The following CLSTN2 variants were observed in gnomAD, a reference collection of about 807,000 sequenced individuals.
CLSTN2 encodes the protein calsyntenin 2, also known as calsyntenin-2.
In CLSTN2, 48 loss-of-function variants were observed where a neutral mutation model predicts 101.2. The observed-to-expected ratio is 0.47, with a 90% CI of 0.38 to 0.60. The LOEUF (loss-of-function observed/expected upper bound fraction) is 0.60, where lower values mean the gene tolerates loss of function less well. CLSTN2 is among the 20% of genes least tolerant of loss of function. CLSTN2 has a pLI of 0.00. For missense variants in CLSTN2, 1,160 were observed against 1,238.2 expected (o/e 0.94, Z 0.95); for synonymous variants, 481 against 463.6 (o/e 1.04, Z -0.48).
intron 10 of CLSTN2, among the ~76,000 whole-genome samples, chr3:140,550,980 A>C (rs956890150): frequency 4.6e-5 from 7 of 151,870 alleles, no homozygotes; most frequent in African/African-American, 1.5e-4. Context: ...TGGAGCACCC[A>C]CTGGGGGCTA....
chr3:140,032,352 T>TG (rs2007571311), intron 1 of CLSTN2, among the ~76,000 whole-genome samples: 1 of 149,862 alleles, frequency 6.7e-6, no homozygotes, highest in Non-Finnish European at 1.5e-5. Context: ...TTTTTTTTTT[T>TG]GAGACGGAGT....
At chr3:140,551,251 G>T (rs1935693568) in intron 10 of CLSTN2, among the ~76,000 whole-genome samples, 1 of 151,920 alleles carries the variant, frequency 6.6e-6, no homozygotes, top group Admixed American at 6.6e-5. Context: ...CACCTCTCTG[G>T]CTGGTCGAGA....
chr3:140,312,218 G>A (rs942321067), intron 2 of CLSTN2, among the ~76,000 whole-genome samples: 2 of 152,160 alleles, frequency 1.3e-5, no homozygotes, highest in African/African-American at 4.8e-5. Context: ...GAGATCCTAG[G>A]TGAGCTTTAC....
At chr3:140,323,161 G>A (rs953348844) in intron 2 of CLSTN2, among the ~76,000 whole-genome samples, 6 of 152,178 alleles carry the variant, frequency 3.9e-5, no homozygotes, top group Non-Finnish European at 7.3e-5. Context: ...GGCCTCCCCA[G>A]CAGTGGCTTC....
chr3:140,223,233 A>T (rs1277391491), intron 2 of CLSTN2, among the ~76,000 whole-genome samples: 1 of 152,240 alleles, frequency 6.6e-6, no homozygotes, highest in African/African-American at 2.4e-5. Context: ...TCACAGGAGA[A>T]ATCATCAACT....
chr3:140,228,911 T>C, intron 2 of CLSTN2, among the ~76,000 whole-genome samples: 1 of 152,174 alleles, frequency 6.6e-6, no homozygotes, highest in Admixed American at 6.5e-5. Flanking sequence ...GAAGTCAAGA[T>C]GAGATTTGGG....
At position 140,404,906 on chromosome 3, in the gene CLSTN2, G is replaced by A. The variant is rs181844087; in HGVS notation, c.637+140G>A. 254 of 719,376 alleles carry A rather than the reference G, an allele frequency of 3.5e-4. 5 individuals are homozygous for A. In the South Asian group the frequency reaches 4.2e-3, roughly 12 times the overall value. 44.6% of individuals were successfully genotyped at this position (719,376 alleles called of 1,614,324 possible). A position where few individuals can be genotyped will look rare whatever the true frequency, so the allele number is the denominator to read the frequency against. On this transcript the variant is annotated intron_variant, in intron 4 of 16. Coordinates refer to ENST00000458420, the MANE Select transcript of CLSTN2 (RefSeq NM_022131.3). ...TTTGGTCTAAGCTCCATAACCCAGAGCTCAGTCCCACACTTGAGGGAATGG... is the reference window on the plus strand; with the variant it reads ...TTTGGTCTAAGCTCCATAACCCAGAACTCAGTCCCACACTTGAGGGAATGG...
chr3:139,984,137 G>A (rs1052883298), intron 1 of CLSTN2, among the ~76,000 whole-genome samples: 3 of 152,298 alleles, frequency 2.0e-5, no homozygotes, highest in Non-Finnish European at 4.4e-5. Flanking sequence ...TTGAGAAGGA[G>A]AGTAAGAGGG....
intron 1 of CLSTN2, among the ~76,000 whole-genome samples, chr3:140,043,488 G>C (rs1483962060): frequency 1.3e-5 from 2 of 152,162 alleles, no homozygotes; most frequent in Admixed American, 1.3e-4. Context: ...TGTTCATTCT[G>C]ATGGTAGTTT....
intron 1 of CLSTN2, among the ~76,000 whole-genome samples, chr3:140,120,089 A>G (rs528094717): frequency 1.3e-5 from 2 of 152,240 alleles, no homozygotes; most frequent in Admixed American, 1.3e-4. Flanking sequence ...GTGTCTTCCA[A>G]TTCAATTTTG....
chr3:140,164,619 T>C (rs1482374572), intron 1 of CLSTN2, among the ~76,000 whole-genome samples: 1 of 152,188 alleles, frequency 6.6e-6, no homozygotes, highest in Non-Finnish European at 1.5e-5. Flanking sequence ...GGGTCTGTCT[T>C]AGGGTGAACT....
intron 5 of CLSTN2, among the ~76,000 whole-genome samples, chr3:140,437,272 T>C (rs1390373354): frequency 6.6e-6 from 1 of 151,930 alleles, no homozygotes; most frequent in African/African-American, 2.4e-5. Flanking sequence ...ATGGTCTTGA[T>C]CTCCTGACCT....
intron 2 of CLSTN2, among the ~76,000 whole-genome samples, chr3:140,390,736 T>C (rs562062147): frequency 6.6e-6 from 1 of 152,162 alleles, no homozygotes; most frequent in South Asian, 2.1e-4. Flanking sequence ...GTTTTGAACA[T>C]ACCAATGAGA....
intron 2 of CLSTN2, among the ~76,000 whole-genome samples, chr3:140,279,456 C>G (rs879526677): frequency 6.6e-6 from 1 of 152,162 alleles, no homozygotes; most frequent in Non-Finnish European, 1.5e-5. Flanking sequence ...TTACATTGAG[C>G]TAGGAGATAA....
intron 1 of CLSTN2, among the ~76,000 whole-genome samples, chr3:140,080,780 T>A (rs1473229780): frequency 1.3e-5 from 2 of 152,178 alleles, no homozygotes; most frequent in African/African-American, 4.8e-5. Flanking sequence ...TCCTGGGGGC[T>A]GGAGCTCTGT....
At chr3:140,256,853 T>A (rs2086608452) in intron 2 of CLSTN2, among the ~76,000 whole-genome samples, 1 of 152,234 alleles carries the variant, frequency 6.6e-6, no homozygotes, top group South Asian at 2.1e-4. Flanking sequence ...TTTTGTTTTT[T>A]AAATTTACAT....
chr3:140,563,866 C>A, intron 15 of CLSTN2, 95 bp from the exon 16 acceptor site: 1 of 1,310,940 alleles, frequency 7.6e-7, no homozygotes, highest in South Asian at 1.3e-5. Context: ...GTAGGGCAGA[C>A]TTTATCCTAT....
chr3:140,479,134 C>A (rs1934058224), intron 8 of CLSTN2, among the ~76,000 whole-genome samples: 1 of 152,104 alleles, frequency 6.6e-6, no homozygotes, highest in Non-Finnish European at 1.5e-5. Flanking sequence ...ATGAAAAGAT[C>A]TGAGCAGGTA....
Position 140,459,966 on chromosome 3 carries a change from C to T in CLSTN2, c.1222+197C>T, listed in dbSNP as rs116415732. 3.7e-3 allele frequency among the ~76,000 whole-genome samples: 560 copies of T among 152,180 alleles called. 3 individuals are homozygous for T. Among genetic ancestry groups the T allele is most frequent in the African/African-American group, 0.013 (527 of 41,498 alleles). ...GGCTTGGCTTGACGTAGAGCAGGAG[C>T]AGAAAAGTGGGGAAAGTAGGGGTAC... On this transcript the variant is annotated intron_variant, in intron 7 of 16. Coordinates refer to ENST00000458420, the MANE Select transcript of CLSTN2 (RefSeq NM_022131.3).
Sources: allele counts gnomAD v4.1 joint callset (sites outside exome capture counted in the v4.1 genomes callset), GRCh38; gene constraint gnomAD v4.1.1; transcripts MANE v1.5; gene names NCBI Gene and HGNC (gene_info 2026-07-23, HGNC 2026-07-21).